The following TMEM108 variants were observed in gnomAD, a reference collection of about 807,000 sequenced individuals.
The protein encoded by TMEM108 is cancer/testis antigen 124.
Under a neutral mutation model 35.1 loss-of-function variants are expected in TMEM108, and 12 were observed. The observed-to-expected ratio is 0.34, with a 90% CI of 0.22 to 0.55. The LOEUF is 0.55. Ranked by LOEUF, TMEM108 falls within the 20% of genes least tolerant of loss-of-function variation. The pLI, the probability that TMEM108 is intolerant of heterozygous loss-of-function variation, is 0.89. For synonymous variants in TMEM108, 287 were observed against 308.6 expected (o/e 0.93, Z 0.73); for missense variants, 680 against 753.3 (o/e 0.90, Z 1.14).
chr3:133,232,710 A>G (rs1946171366), intron 3 of TMEM108, among the ~76,000 whole-genome samples: 1 of 152,180 alleles, frequency 6.6e-6, no homozygotes, highest in Non-Finnish European at 1.5e-5. Flanking sequence ...TTAATTGTTT[A>G]CTTTTGTTAC....
At chr3:133,116,035 A>C in intron 2 of TMEM108, among the ~76,000 whole-genome samples, 1 of 152,246 alleles carries the variant, frequency 6.6e-6, no homozygotes, top group Non-Finnish European at 1.5e-5. Flanking sequence ...TTTACATAGC[A>C]GGAAACTTCA....
chr3:133,289,501 A>T (rs59885161), intron 3 of TMEM108, among the ~76,000 whole-genome samples: 17,908 of 152,100 alleles, frequency 0.12, 1,464 homozygotes, highest in East Asian at 0.38. Context: ...TCCACATTAG[A>T]TCTCACTACC....
At chr3:133,326,402 A>C (rs2071333979) in intron 3 of TMEM108, among the ~76,000 whole-genome samples, 1 of 152,206 alleles carries the variant, frequency 6.6e-6, no homozygotes, top group Non-Finnish European at 1.5e-5. Context: ...GATATAATGA[A>C]ATAAGTTAGT....
At position 133,279,247 on chromosome 3, in the gene TMEM108, G is replaced by A. The variant is rs116955725; in HGVS notation, c.40+49896G>A. Among the ~76,000 whole-genome samples the A allele has an allele frequency of 1.4e-3, 206 of 152,312 alleles. No homozygotes were observed. In the East Asian group the frequency reaches 0.025, roughly 18 times the overall value. On this transcript the variant is annotated intron_variant, in intron 3 of 5. Transcript: ENST00000321871. The stretch of plus-strand genomic sequence containing the variant: ...TCTGTTCTACCTCCCCATCATCACT[G>A]TGGTGTACGACAATCAGCTATGAGT...
intron 2 of TMEM108, among the ~76,000 whole-genome samples, chr3:133,063,099 A>T (rs75437223): frequency 0.028 from 4,207 of 152,170 alleles, 104 homozygotes; most frequent in South Asian, 0.061. Context: ...CAGAGATGGG[A>T]AACTGACAGG....
chr3:133,308,929 A>G (rs896260229), intron 3 of TMEM108, among the ~76,000 whole-genome samples: 4 of 152,212 alleles, frequency 2.6e-5, no homozygotes, highest in African/African-American at 9.6e-5. Flanking sequence ...TAGTTTCAGA[A>G]GGAATGGTAC....
rs766241333 is a variant in TMEM108, at chr3:133,211,278, A to C, written c.-46-17988A>C. On this transcript the variant is annotated intron_variant, in intron 2 of 5. Transcript: ENST00000321871. Reference sequence around the variant, plus strand: ...ACCTTACCTCCCTTTCTACTGTAAAAACATCAGCACATCTTTCAGGAAAAT... The same window carrying C: ...ACCTTACCTCCCTTTCTACTGTAAACACATCAGCACATCTTTCAGGAAAAT... Among the ~76,000 whole-genome samples, 7 of 152,142 alleles carry C rather than the reference A, an allele frequency of 4.6e-5. 1 individual carries two copies. Among genetic ancestry groups the C allele is most frequent in the Non-Finnish European group, 1.0e-4 (7 of 68,028 alleles).
Position 133,390,196 on chromosome 3 carries a change from G to A in TMEM108, c.1467G>A (p.Val489=). The A allele has an allele frequency of 6.2e-7, 1 of 1,614,168 alleles. No homozygotes were observed. The highest frequency in any genetic ancestry group is 1.6e-4 in the Middle Eastern group (1 of 6,062). The stretch of plus-strand genomic sequence containing the variant: ...TCTCCATAGCTGTCCTGCTGACGGT[G>A]TGCTGCATGAAGAGGAAGAAGAAGA... ...PISSCSVLLT[V]CCMKRKKKTA... Residue 489 remains valine, a synonymous_variant, in exon 5 of 6, where the codon GTG becomes GTA. Coordinates refer to ENST00000321871, the MANE Select transcript of TMEM108 (RefSeq NM_023943.4).
intron 2 of TMEM108, among the ~76,000 whole-genome samples, chr3:133,119,798 A>G (rs1406002654): frequency 2.0e-5 from 3 of 152,228 alleles, no homozygotes; most frequent in Admixed American, 1.3e-4. Context: ...ATTGTCACAC[A>G]TCTTCCTTCC....
At chr3:133,201,231 C>A (rs1945660874) in intron 2 of TMEM108, among the ~76,000 whole-genome samples, 1 of 152,080 alleles carries the variant, frequency 6.6e-6, no homozygotes, top group Non-Finnish European at 1.5e-5. Flanking sequence ...GACTCATCCC[C>A]ACTCTGATTT....
chr3:133,111,334 C>G (rs143296987), intron 2 of TMEM108, among the ~76,000 whole-genome samples: 6 of 152,178 alleles, frequency 3.9e-5, no homozygotes, highest in African/African-American at 1.2e-4. Context: ...GATATTTGAA[C>G]CCAGGACTCT....
intron 3 of TMEM108, among the ~76,000 whole-genome samples, chr3:133,270,550 TGCTGCTTTTGGCTGCTGGATGGA>T (rs1946755391): frequency 6.6e-6 from 1 of 152,174 alleles, no homozygotes; most frequent in South Asian, 2.1e-4. Context: ...TACCACCTGC[TGCTGCTTTTGGCTGCTGGATGGA>T]GCTGGGAAGA....
rs191338687 is a variant in TMEM108 at position 133,040,354 on chromosome 3, G to A, written c.-166+1919G>A. Among the ~76,000 whole-genome samples the A allele has an allele frequency of 2.0e-3, 297 of 151,600 alleles. 2 individuals carry two copies. The highest frequency in any genetic ancestry group is 0.017 in the Middle Eastern group (5 of 292). ...GAGTAGCTGGGATTACAGGTGTGAG[G>A]CACCATGCCCGGCTAATTTTTGTAT... On this transcript the variant is annotated intron_variant, in intron 1 of 5. Transcript: ENST00000321871.
At chr3:133,376,340 G>T (rs1443892243) in intron 3 of TMEM108, among the ~76,000 whole-genome samples, 4 of 152,150 alleles carry the variant, frequency 2.6e-5, no homozygotes, top group Non-Finnish European at 5.9e-5. Context: ...GCCTGTCCCT[G>T]GGGTCAGCCA....
intron 2 of TMEM108, among the ~76,000 whole-genome samples, chr3:133,167,240 T>C (rs1446453463): frequency 6.6e-6 from 1 of 152,240 alleles, no homozygotes; most frequent in African/African-American, 2.4e-5. Context: ...CACAGAGTGC[T>C]GATTGGTGCA....
chr3:133,128,848 C>T (rs1944450797), intron 2 of TMEM108, among the ~76,000 whole-genome samples: 1 of 152,106 alleles, frequency 6.6e-6, no homozygotes, highest in Non-Finnish European at 1.5e-5. Context: ...AGAGGTTAAG[C>T]TTGAACCAAG....
At chr3:133,253,460 A>G (rs1946500231) in intron 3 of TMEM108, 1 of 152,188 alleles carries the variant, frequency 6.6e-6, no homozygotes, top group African/African-American at 2.4e-5. Context: ...GCCCTAAAAA[A>G]ACAACAAAAA....
chr3:133,269,904 T>C (rs1374281656), intron 3 of TMEM108, among the ~76,000 whole-genome samples: 1 of 152,170 alleles, frequency 6.6e-6, no homozygotes, highest in Non-Finnish European at 1.5e-5. Context: ...ATGTCAATAC[T>C]CCCACACCAA....
At chr3:133,075,142 A>G (rs1327659261) in intron 2 of TMEM108, among the ~76,000 whole-genome samples, 1 of 152,120 alleles carries the variant, frequency 6.6e-6, no homozygotes, top group Non-Finnish European at 1.5e-5. Context: ...TCGGCCAGGG[A>G]TGCTCACTCG....
Sources: gnomAD v4.1 joint callset for allele counts (sites outside exome capture counted in the v4.1 genomes callset) on GRCh38, gnomAD v4.1.1 for gene constraint, MANE v1.5 for transcripts, NCBI Gene and HGNC (gene_info 2026-07-23, HGNC 2026-07-21) for gene names.